F12: variants seen among roughly 807,000 people sequenced by gnomAD.
The protein encoded by F12 is Hageman factor.
In F12, 70 loss-of-function variants were observed where a neutral mutation model predicts 74.8. The observed-to-expected ratio is 0.94, with a 90% confidence interval of 0.77 to 1.14. F12 has a LOEUF of 1.14. Among genes scored for constraint, F12 ranks in the 50% most tolerant of loss-of-function variants. The probability of loss-of-function intolerance (pLI) is 0.00; values close to 1 mark genes in which losing one functional copy is unlikely to be tolerated. For missense variants in F12, 811 were observed against 835.7 expected, an observed-to-expected ratio of 0.97 and a Z score of 0.36; for synonymous variants, 373 against 356.4, an observed-to-expected ratio of 1.05 and a Z score of -0.52.
chr5:177,403,263 G>A lies in F12; in HGVS notation c.1522C>T (p.Gln508Ter). 6.2e-7 allele frequency: 1 copy of A among 1,600,616 alleles called. No homozygotes were observed. The highest frequency in any genetic ancestry group is 8.5e-7 in the Non-Finnish European group (1 of 1,179,830). ...TLCQVAGWGH[Q>*]FEGAEEYASF... ...TAGCAGTTGTGCCTACCCTCGAACTGGTGGCCCCAGCCGGCCACCTGGCAG... is the reference window on the plus strand; with the variant it reads ...TAGCAGTTGTGCCTACCCTCGAACTAGTGGCCCCAGCCGGCCACCTGGCAG... Residue 508 changes from glutamine (Q) to a stop codon, truncating the protein, a stop_gained, in exon 12 of 14, where the codon CAG becomes TAG. Transcript: ENST00000253496. LOFTEE classifies it high-confidence loss of function.
chr5:177,408,930 TGGGCATAAGACCTAGCACCA>T, intron 2 of F12, 96 bp downstream of exon 2: 2 of 980,018 alleles, frequency 2.0e-6, no homozygotes, highest in Non-Finnish European at 3.2e-6. Context: ...CTAGTGCCCA[TGGGCATAAGACCTAGCACCA>T]GGTAGGCACT....
At position 177,403,587 on chromosome 5, in the gene F12, G is replaced by C. The variant is rs747715876; in HGVS notation, c.1281C>G (p.Leu427=). The part of the protein sequence containing the change: ...RPAPEDLTVV[L]GQERRNHSCE... The stretch of plus-strand genomic sequence containing the variant: ...AGCTGTGGTTACGGCGTTCCTGGCC[G>C]AGCACCACCGTCAGATCCTCGGGTG... Residue 427 remains leucine, a synonymous_variant, in exon 11 of 14, where the codon CTC becomes CTG. Transcript: ENST00000253496. 1.2e-6 allele frequency: 2 copies of C among 1,605,444 alleles called. No individual in the cohort carries two copies. The highest frequency in any genetic ancestry group is 1.1e-5 in the South Asian group (1 of 90,574).
intron 12 of F12, 39 bp downstream of exon 12, chr5:177,403,215 G>A (rs763250454): frequency 1.3e-6 from 2 of 1,598,522 alleles, no homozygotes; most frequent in South Asian, 1.1e-5. Context: ...GTGATCAAAG[G>A]TCTCCTCCCC....
intron 2 of F12, among the ~76,000 whole-genome samples, 168 bp from the exon 3 acceptor site, chr5:177,406,229 C>T (rs1763287367): frequency 6.6e-6 from 1 of 152,242 alleles, no homozygotes; most frequent in Non-Finnish European, 1.5e-5. Flanking sequence ...TGGCTCAAGC[C>T]TGTAATCCCA....
chr5:177,404,823 G>C lies in F12; in HGVS notation c.621C>G (p.Ala207=). 1 of 1,607,716 alleles carries C rather than the reference G, an allele frequency of 6.2e-7. No individual in the cohort carries two copies. The highest frequency in any genetic ancestry group is 8.5e-7 in the Non-Finnish European group (1 of 1,178,002). ...LCHCPVGYTG[A]FCDVDTKASC... Reference sequence around the variant, plus strand: ...ACCCTCACTCACCCACGTCGCAGAAGGCTCCGGTGTAGCCCACCGGGCAGT... The same window carrying C: ...ACCCTCACTCACCCACGTCGCAGAACGCTCCGGTGTAGCCCACCGGGCAGT... Residue 207 remains alanine, a synonymous_variant, in exon 7 of 14, where the codon GCC becomes GCG. Coordinates refer to ENST00000253496, the MANE Select transcript of F12 (RefSeq NM_000505.4).
intron 5 of F12, 66 bp from the exon 6 acceptor site, chr5:177,405,251 G>A (rs775219086): frequency 2.7e-5 from 43 of 1,613,242 alleles, no homozygotes; most frequent in African/African-American, 4.0e-5. Flanking sequence ...CGAGTATCCA[G>A]CAACCTATTC....
At chr5:177,402,748 C>G (rs781407304) in intron 12 of F12, 50 bp from the exon 13 acceptor site, 2 of 1,601,666 alleles carry the variant, frequency 1.2e-6, no homozygotes, top group Non-Finnish European at 1.7e-6. Flanking sequence ...ACGCTTGCCG[C>G]CCGGACGATG....
At chr5:177,405,691 G>T in intron 4 of F12, 44 bp downstream of exon 4, 1 of 1,578,902 alleles carries the variant, frequency 6.3e-7, no homozygotes, top group Non-Finnish European at 8.7e-7. Flanking sequence ...GTAATGAGGC[G>T]GGAGGAGAGA....
At chr5:177,403,438 G>A in intron 11 of F12, 41 bp from the exon 12 acceptor site, 1 of 1,565,972 alleles carries the variant, frequency 6.4e-7, no homozygotes. Context: ...GGACGCCGGG[G>A]CCCCAAGCTC....
In F12 at chr5:177,404,858, G is replaced by A; in HGVS notation, c.586C>T (p.Arg196Cys). ...TAGCCCACCGGGCAGTGGCACAGGC[G>A]GTGGCCCTCCACCTCTAGGCAGCGA... ...GGRCLEVEGH[R>C]LCHCPVGYTG... The change falls in exon 7 of 14, where the codon CGC becomes TGC. Residue 196 changes from arginine to cysteine, a missense_variant. Arg to Cys is a radical substitution (Grantham distance 180). Transcript: ENST00000253496. 6.2e-7 allele frequency: 1 copy of A among 1,609,960 alleles called. No homozygotes were observed. The highest frequency in any genetic ancestry group is 8.5e-7 in the Non-Finnish European group (1 of 1,179,122).
Position 177,404,491 on chromosome 5 carries a change from C to A in F12, c.800+8G>T. The A allele has an allele frequency of 6.3e-7, 1 of 1,589,964 alleles. No individual in the cohort carries two copies. Among genetic ancestry groups the A allele is most frequent in the Non-Finnish European group, 8.6e-7 (1 of 1,168,624 alleles). On this transcript the variant is annotated splice_region_variant and intron_variant, in intron 8 of 13. Coordinates refer to ENST00000253496, the MANE Select transcript of F12 (RefSeq NM_000505.4). Reference sequence around the variant, plus strand: ...GGCGGAGGGGTCACCCAGCCCCACGCGGCGCACCGGCAGAAGGCGTGGCCG... The same window carrying A: ...GGCGGAGGGGTCACCCAGCCCCACGAGGCGCACCGGCAGAAGGCGTGGCCG...
At position 177,404,579 on chromosome 5, in the gene F12, C is replaced by A; in HGVS notation, c.720G>T (p.Pro240=). Residue 240 remains proline, a synonymous_variant, in exon 8 of 14, where the codon CCG becomes CCT. Coordinates refer to ENST00000253496, the MANE Select transcript of F12 (RefSeq NM_000505.4). ...TCCGGTAGGTGGCCTCCGAGGCCCA[C>A]GGCTGACAGGGCGCACCCGAGAGCG... The part of the protein sequence containing the change: ...RTTLSGAPCQ[P]WASEATYRNV... 6.2e-7 allele frequency: 1 copy of A among 1,607,952 alleles called. No homozygotes were observed. The highest frequency in any genetic ancestry group is 8.5e-7 in the Non-Finnish European group (1 of 1,178,812).
At chr5:177,406,187 G>T in intron 2 of F12, 126 bp from the exon 3 acceptor site, 1 of 907,120 alleles carries the variant, frequency 1.1e-6, no homozygotes, top group Non-Finnish European at 1.8e-6. Context: ...AACACTTTCT[G>T]CTCTAAAAGT....
intron 1 of F12, among the ~76,000 whole-genome samples, 160 bp from the exon 2 acceptor site, chr5:177,409,263 C>G (rs1383791620): frequency 6.6e-6 from 1 of 152,178 alleles, no homozygotes; most frequent in African/African-American, 2.4e-5. Flanking sequence ...TAAGGCCCAT[C>G]TCCCCCAGAA....
chr5:177,404,073 C>G lies in F12; in HGVS notation c.1036G>C (p.Glu346Gln), dbSNP rs771058665. Residue 346 changes from glutamate to glutamine, a missense_variant, in exon 10 of 14, where the codon GAG becomes CAG. By Grantham distance (29) the Glu-to-Gln change is conservative. Coordinates refer to ENST00000253496, the MANE Select transcript of F12 (RefSeq NM_000505.4). ...TTCCTGGTCAGGGAAGGCGGCTGCT[C>G]CCGCTTCGCCGGCAAGGCTGTGGAG... ...QTPGALPAKR[E>Q]QPPSLTRNGP... The G allele has an allele frequency of 1.9e-6, 3 of 1,602,310 alleles. No individual in the cohort carries two copies. The highest frequency in any genetic ancestry group is 4.5e-5 in the East Asian group (2 of 44,806).
At chr5:177,402,778 C>T in intron 12 of F12, 80 bp from the exon 13 acceptor site, 2 of 1,567,790 alleles carry the variant, frequency 1.3e-6, no homozygotes, top group Non-Finnish European at 1.7e-6. Flanking sequence ...GCTCCAGGCG[C>T]TTGTAAACCC....
chr5:177,404,130 C>T (rs772173737), intron 9 of F12, 40 bp from the exon 10 acceptor site: 1 of 1,587,758 alleles, frequency 6.3e-7, no homozygotes, highest in East Asian at 2.3e-5. Context: ...AGCCCGCGGC[C>T]GGCTGGCCGG....
intron 4 of F12, 56 bp from the exon 5 acceptor site, chr5:177,405,489 G>A (rs1459803175): frequency 2.3e-5 from 36 of 1,547,132 alleles, no homozygotes; most frequent in Non-Finnish European, 7.1e-6. Flanking sequence ...ACAGCTGGGG[G>A]CCAAGGCCCT....
chr5:177,404,797 G>A lies in F12; in HGVS notation c.634+13C>T. ...GGGGGCTGGCCTTCTGCTTGCCCCAGACCCTCACTCACCCACGTCGCAGAA... is the reference window on the plus strand; with the variant it reads ...GGGGGCTGGCCTTCTGCTTGCCCCAAACCCTCACTCACCCACGTCGCAGAA... On this transcript the variant is annotated intron_variant, in intron 7 of 13. Transcript: ENST00000253496. 6.3e-7 allele frequency: 1 copy of A among 1,598,496 alleles called. No homozygotes were observed.
Sources: allele counts gnomAD v4.1 joint callset (sites outside exome capture counted in the v4.1 genomes callset), GRCh38; gene constraint gnomAD v4.1.1; transcripts MANE v1.5; gene names NCBI Gene and HGNC (gene_info 2026-07-23, HGNC 2026-07-21).